Variants in IGF2BP3 observed in about 807,000 individuals in gnomAD.
IGF2BP3 encodes the protein insulin-like growth factor 2 mRNA-binding protein 3.
A neutral mutation model predicts 73.8 loss-of-function variants in IGF2BP3; 9 were observed. The ratio of observed to expected loss-of-function variants is 0.12; its 90% CI spans 0.07 to 0.21. The LOEUF (loss-of-function observed/expected upper bound fraction) is 0.21, where lower values mean the gene tolerates loss of function less well. Among genes scored for constraint, IGF2BP3 ranks in the 10% least tolerant of loss-of-function variants. The probability of loss-of-function intolerance (pLI) is 1.00; values close to 1 mark genes in which losing one functional copy is unlikely to be tolerated. For missense variants in IGF2BP3, 542 were observed against 714.0 expected (o/e 0.76, Z 2.75); for synonymous variants, 258 against 256.7 (o/e 1.01, Z -0.05).
chr7:23,470,128 TAAAA>T lies in IGF2BP3; in HGVS notation c.-22_-19del. On this transcript the variant is annotated 5_prime_UTR_variant, in exon 1 of 15. Transcript: ENST00000258729. ...TTGTTCATTGTGAAGAGTGGTTGTT[TAAAA>T]AAAAATAACGAGAAAAAACGAAAAA... is the stretch of plus-strand genomic sequence containing the variant. The T allele has an allele frequency of 1.9e-6, 3 of 1,542,770 alleles. No homozygotes were observed. The highest frequency in any genetic ancestry group is 2.6e-6 in the Non-Finnish European group (3 of 1,141,042).
intron 11 of IGF2BP3, among the ~76,000 whole-genome samples, chr7:23,318,074 T>C (rs928679828): frequency 2.6e-5 from 4 of 152,178 alleles, no homozygotes; most frequent in African/African-American, 9.7e-5. Context: ...GAGGGAGAGC[T>C]GGGTCTGTCT....
chr7:23,320,551 A>C (rs1207595745), intron 10 of IGF2BP3, among the ~76,000 whole-genome samples: 1 of 151,930 alleles, frequency 6.6e-6, no homozygotes. Context: ...TGAGAAAAAC[A>C]CTTCCAAGGA....
chr7:23,398,989 C>T (rs1052783260), intron 3 of IGF2BP3, among the ~76,000 whole-genome samples: 2 of 152,184 alleles, frequency 1.3e-5, no homozygotes, highest in Non-Finnish European at 2.9e-5. Context: ...TTGCCCATGC[C>T]TATGTCCTGA....
chr7:23,351,655 A>G, intron 5 of IGF2BP3, 69 bp from the exon 6 acceptor site: 1 of 1,525,906 alleles, frequency 6.6e-7, no homozygotes, highest in African/African-American at 1.4e-5. Context: ...TAGCAAAGCA[A>G]CACCCATCTC....
At chr7:23,396,298 T>C (rs1359532453) in intron 3 of IGF2BP3, 2 of 152,468 alleles carry the variant, frequency 1.3e-5, no homozygotes, top group Non-Finnish European at 2.9e-5. Flanking sequence ...GCCCCAGCAC[T>C]TTGGGAGGCA....
At chr7:23,420,138 CAATT>C (rs1339808889) in intron 2 of IGF2BP3, among the ~76,000 whole-genome samples, 1 of 152,178 alleles carries the variant, frequency 6.6e-6, no homozygotes, top group African/African-American at 2.4e-5. Flanking sequence ...CAAAAACTAG[CAATT>C]GAGCTTGACA....
Position 23,312,281 on chromosome 7 carries a change from G to A in IGF2BP3, c.*81C>T, listed in dbSNP as rs1415758994. On this transcript the variant is annotated 3_prime_UTR_variant, in exon 15 of 15. Coordinates refer to ENST00000258729, the MANE Select transcript of IGF2BP3 (RefSeq NM_006547.3). ...AAACTTGTGCATGTGATTCTGGATA[G>A]GGGGTCAGCGCCCATCTGTTGGTTA... 13 of 1,018,228 alleles carry A rather than the reference G, an allele frequency of 1.3e-5. No individual in the cohort carries two copies. In the East Asian group the frequency reaches 1.7e-4, roughly 13 times the overall value. The allele number at this position is 1,018,228 out of a possible 1,614,324, so 63.1% of individuals were successfully genotyped here. A position where few individuals can be genotyped will look rare whatever the true frequency, so the allele number is the denominator to read the frequency against.
At chr7:23,431,657 A>G (rs1787681128) in intron 2 of IGF2BP3, among the ~76,000 whole-genome samples, 1 of 152,182 alleles carries the variant, frequency 6.6e-6, no homozygotes. Context: ...AAAGATTACA[A>G]GGTCCCCTAC....
intron 2 of IGF2BP3, among the ~76,000 whole-genome samples, chr7:23,425,843 A>G (rs1787492782): frequency 6.6e-6 from 1 of 152,110 alleles, no homozygotes; most frequent in Non-Finnish European, 1.5e-5. Context: ...GCATGCTTGT[A>G]GTCCCAGCTA....
At chr7:23,371,446 A>C (rs768517341) in intron 3 of IGF2BP3, among the ~76,000 whole-genome samples, 5 of 152,222 alleles carry the variant, frequency 3.3e-5, no homozygotes, top group Admixed American at 3.3e-4. Context: ...CAAAATGAAG[A>C]ACAATCTGTA....
chr7:23,385,836 T>G (rs950685033), intron 3 of IGF2BP3, among the ~76,000 whole-genome samples: 1 of 152,184 alleles, frequency 6.6e-6, no homozygotes, highest in Non-Finnish European at 1.5e-5. Context: ...CTTCCCAAAG[T>G]GCTGGGATTA....
chr7:23,401,527 G>A (rs557312233), intron 3 of IGF2BP3, among the ~76,000 whole-genome samples: 2 of 151,736 alleles, frequency 1.3e-5, no homozygotes, highest in East Asian at 3.9e-4. Context: ...TACTTCAGGA[G>A]GCCAAGGCAG....
rs1160452937 is a variant in IGF2BP3, at chr7:23,398,412, C to A, written c.285+20364G>T. Reference sequence around the variant, plus strand: ...CTTTATAGCAGCATGATTTATAATCCTTTGGGTATATACCCAGTAATGGGA... The same window carrying A: ...CTTTATAGCAGCATGATTTATAATCATTTGGGTATATACCCAGTAATGGGA... On this transcript the variant is annotated intron_variant, in intron 3 of 14. Coordinates refer to ENST00000258729, the MANE Select transcript of IGF2BP3 (RefSeq NM_006547.3). Among the ~76,000 whole-genome samples, 10 of 152,120 alleles carry A rather than the reference C, an allele frequency of 6.6e-5. No homozygotes were observed. The East Asian group carries it at 1.7e-3, about 26-fold the overall frequency.
At chr7:23,326,137 G>A (rs1466166305) in intron 10 of IGF2BP3, among the ~76,000 whole-genome samples, 16 of 152,144 alleles carry the variant, frequency 1.1e-4, no homozygotes, top group Admixed American at 3.9e-4. Context: ...GCAACCTACA[G>A]AATGGGAGAA....
intron 5 of IGF2BP3, among the ~76,000 whole-genome samples, chr7:23,352,260 A>C (rs1182347393): frequency 7.1e-6 from 1 of 140,656 alleles, no homozygotes; most frequent in Non-Finnish European, 1.5e-5. Flanking sequence ...TATTTGGGGG[A>C]GAGTTTCTCT....
Position 23,319,129 on chromosome 7 carries a change from G to T in IGF2BP3, c.1320+9C>A. The T allele has an allele frequency of 4.5e-6, 7 of 1,565,810 alleles. No individual in the cohort carries two copies. Among genetic ancestry groups the T allele is most frequent in the Non-Finnish European group, 6.1e-6 (7 of 1,138,910 alleles). On this transcript the variant is annotated intron_variant, in intron 11 of 14. Coordinates refer to ENST00000258729, the MANE Select transcript of IGF2BP3 (RefSeq NM_006547.3). ...AAGAACCAGAGAACCACAGCTGGTA[G>T]AACAGTACCTTAATTGAAGCTCCAG...
At chr7:23,420,941 C>G (rs1584023904) in intron 2 of IGF2BP3, among the ~76,000 whole-genome samples, 1 of 152,154 alleles carries the variant, frequency 6.6e-6, no homozygotes. Context: ...CAAAATAACT[C>G]ATGTGGTAAT....
chr7:23,420,531 C>G (rs1487239040), intron 2 of IGF2BP3, among the ~76,000 whole-genome samples: 1 of 151,966 alleles, frequency 6.6e-6, no homozygotes. Flanking sequence ...AAACAAAGAA[C>G]TATAGTGAAC....
chr7:23,320,131 T>TG (rs1784096625), intron 10 of IGF2BP3, among the ~76,000 whole-genome samples: 1 of 151,950 alleles, frequency 6.6e-6, no homozygotes, highest in African/African-American at 2.4e-5. Context: ...AGGCTGGTCT[T>TG]GAACTCCTGA....
Sources: gnomAD v4.1 joint callset for allele counts (sites outside exome capture counted in the v4.1 genomes callset) on GRCh38, gnomAD v4.1.1 for gene constraint, MANE v1.5 for transcripts, NCBI Gene and HGNC (gene_info 2026-07-23, HGNC 2026-07-21) for gene names.